The following CCDC7 variants were observed in gnomAD, a reference collection of about 807,000 sequenced individuals.
The protein encoded by CCDC7 is coiled-coil domain containing 7.
CCDC7 carries 183 observed loss-of-function variants against 196.9 expected under a neutral mutation model. The observed-to-expected ratio is 0.93, with a 90% CI of 0.82 to 1.05. The LOEUF (loss-of-function observed/expected upper bound fraction) is 1.05, where lower values mean the gene tolerates loss of function less well. Ranked by LOEUF, CCDC7 falls within the 50% of genes least tolerant of loss-of-function variation. CCDC7 has a pLI of 0.00. For synonymous variants in CCDC7, 525 were observed against 484.6 expected (o/e 1.08, Z -1.10); for missense variants, 1,540 against 1,482.2 (o/e 1.04, Z -0.64).
intron 9 of CCDC7, among the ~76,000 whole-genome samples, chr10:32,498,541 A>T (rs1326327890): frequency 1.3e-5 from 2 of 151,944 alleles, no homozygotes; most frequent in Non-Finnish European, 2.9e-5. Flanking sequence ...TTCCATGTTT[A>T]GTGTTTCCTT....
At chr10:32,755,686 G>T (rs2076317911) in intron 28 of CCDC7, among the ~76,000 whole-genome samples, 1 of 152,112 alleles carries the variant, frequency 6.6e-6, no homozygotes, top group Non-Finnish European at 1.5e-5. Context: ...CTAAAAATCA[G>T]ACTGCCTCTT....
upstream of CCDC7, among the ~76,000 whole-genome samples, chr10:32,444,063 A>C (rs2030468582): frequency 6.6e-6 from 1 of 152,182 alleles, no homozygotes; most frequent in African/African-American, 2.4e-5. Context: ...TCTTTCATTG[A>C]AATCATTATG....
chr10:32,770,877 G>T (rs1296985866), intron 28 of CCDC7, among the ~76,000 whole-genome samples: 2 of 152,070 alleles, frequency 1.3e-5, no homozygotes, highest in African/African-American at 2.4e-5. Context: ...TTGCTTTGAA[G>T]TATTTTGTCT....
Position 32,798,974 on chromosome 10 carries a change from C to G in CCDC7, c.3014-6041C>G, listed in dbSNP as rs1267157433. On this transcript the variant is annotated intron_variant, in intron 29 of 41. Coordinates refer to ENST00000639629, the Ensembl canonical transcript of CCDC7. ...GAAGGCAGGGTGGCAGGAGTGGGGA[C>G]CATGGGCATTTGAGCCACTTCCTCA... Among the ~76,000 whole-genome samples the G allele has an allele frequency of 5.3e-5, 8 of 152,266 alleles. No individual in the cohort carries two copies. The South Asian group carries it at 1.0e-3, about 20-fold the overall frequency.
chr10:32,651,887 A>G lies in CCDC7; in HGVS notation c.2015-12167A>G, dbSNP rs937287283. The stretch of plus-strand genomic sequence containing the variant: ...AGGCTGATGCCCTTTGGGAAGATTT[A>G]GGCGGTTTTTTATTAAGGTGAACTT... On this transcript the variant is annotated intron_variant, in intron 20 of 41. Coordinates refer to ENST00000639629, the Ensembl canonical transcript of CCDC7. Among the ~76,000 whole-genome samples, 50 of 152,316 alleles carry G rather than the reference A, an allele frequency of 3.3e-4. 1 individual carries two copies. Among genetic ancestry groups the G allele is most frequent in the Non-Finnish European group, 2.2e-4 (15 of 68,038 alleles).
At chr10:32,723,011 C>T (rs1160125752) in intron 25 of CCDC7, among the ~76,000 whole-genome samples, 2 of 152,100 alleles carry the variant, frequency 1.3e-5, no homozygotes, top group African/African-American at 4.8e-5. Context: ...GTCTCCAGTT[C>T]ACCTCCAGCT....
intron 28 of CCDC7, among the ~76,000 whole-genome samples, chr10:32,766,208 T>C (rs2078269023): frequency 6.6e-6 from 1 of 152,048 alleles, no homozygotes; most frequent in Admixed American, 6.6e-5. Flanking sequence ...AAGATATTCC[T>C]TCTGAAATAA....
Position 32,678,308 on chromosome 10 carries a change from C to T in CCDC7, c.2123-7662C>T, listed in dbSNP as rs185791812. On this transcript the variant is annotated intron_variant, in intron 21 of 41. Transcript: ENST00000639629. ...AGAGCATCCCGTGGGGTTGTATTGC[C>T]CTGATTCTTCATGATCCTTGTATTT... Among the ~76,000 whole-genome samples the T allele has an allele frequency of 8.6e-4, 131 of 152,068 alleles. 1 individual carries two copies. Among genetic ancestry groups the T allele is most frequent in the African/African-American group, 2.9e-3 (119 of 41,488 alleles).
chr10:32,536,888 C>T (rs2136006470), intron 11 of CCDC7, among the ~76,000 whole-genome samples: 4 of 152,276 alleles, frequency 2.6e-5, no homozygotes, highest in Admixed American at 2.6e-4. Context: ...TTTTCTTTAT[C>T]CAGCCCACCG....
intron 13 of CCDC7, among the ~76,000 whole-genome samples, chr10:32,549,036 A>G (rs370578906): frequency 1.3e-5 from 2 of 152,272 alleles, no homozygotes; most frequent in African/African-American, 4.8e-5. Flanking sequence ...CCAGCAGTGT[A>G]GAAGTGTTCT....
intron 41 of CCDC7, 80 bp from the exon 43 acceptor site, chr10:32,876,264 CATG>C (rs1252508605): frequency 1.0e-6 from 1 of 985,128 alleles, no homozygotes; most frequent in Non-Finnish European, 1.5e-6. Flanking sequence ...TTCTGTTTTC[CATG>C]ATATCATATA....
chr10:32,859,035 C>T (rs993633580), intron 41 of CCDC7, among the ~76,000 whole-genome samples: 3 of 152,076 alleles, frequency 2.0e-5, no homozygotes, highest in African/African-American at 4.8e-5. Context: ...CAAGGATATC[C>T]AGGACTTGAA....
intron 25 of CCDC7, among the ~76,000 whole-genome samples, chr10:32,718,141 A>G (rs1028132300): frequency 6.6e-6 from 1 of 152,204 alleles, no homozygotes; most frequent in African/African-American, 2.4e-5. Flanking sequence ...TAAATAAAAT[A>G]CTGGCAAACA....
At chr10:32,843,577 A>G (rs546080809) in intron 33 of CCDC7, among the ~76,000 whole-genome samples, 2 of 152,160 alleles carry the variant, frequency 1.3e-5, no homozygotes, top group Admixed American at 1.3e-4. Flanking sequence ...AATTAAAGCA[A>G]TGAGAGGATA....
exon 15 of CCDC7, chr10:32,567,706 C>T (rs556293307): frequency 1.9e-6 from 3 of 1,612,356 alleles, no homozygotes; most frequent in African/African-American, 1.3e-5. Flanking sequence ...TAACTATTTC[C>T]TAAATCAAGA....
intron 28 of CCDC7, among the ~76,000 whole-genome samples, chr10:32,749,015 A>G (rs578148658): frequency 1.3e-5 from 2 of 152,162 alleles, no homozygotes; most frequent in Non-Finnish European, 2.9e-5. Context: ...TGGTGGTTTT[A>G]TCCTTCAGAC....
chr10:32,834,736 A>G (rs1331547422), intron 32 of CCDC7, 79 bp from the exon 34 acceptor site: 14 of 590,600 alleles, frequency 2.4e-5, no homozygotes, highest in South Asian at 3.7e-5. Flanking sequence ...ATACAAATAT[A>G]CTATCACATA....
At chr10:32,539,128 C>T (rs914193863) in intron 11 of CCDC7, among the ~76,000 whole-genome samples, 13 of 152,006 alleles carry the variant, frequency 8.6e-5, no homozygotes, top group African/African-American at 3.1e-4. Flanking sequence ...GGCTGTGAAT[C>T]TCTCTGGTCC....
At chr10:32,850,723 A>G (rs1267701405) in intron 39 of CCDC7, among the ~76,000 whole-genome samples, 2 of 151,972 alleles carry the variant, frequency 1.3e-5, no homozygotes, top group African/African-American at 4.8e-5. Context: ...CTTCTATGAT[A>G]TGACTTCTTT....
Sources: gnomAD v4.1 joint callset for allele counts (sites outside exome capture counted in the v4.1 genomes callset) on GRCh38, gnomAD v4.1.1 for gene constraint, MANE v1.5 for transcripts, NCBI Gene and HGNC (gene_info 2026-07-23, HGNC 2026-07-21) for gene names.